The following COPS3 variants were observed in gnomAD, a reference collection of about 807,000 sequenced individuals.
The protein encoded by COPS3 is COP9 signalosome subunit 3.
A neutral mutation model predicts 58.2 loss-of-function variants in COPS3; 10 were observed. The observed-to-expected ratio is 0.17, with a 90% CI of 0.11 to 0.29. COPS3 has a LOEUF of 0.29. Ranked by LOEUF, COPS3 falls within the 10% of genes least tolerant of loss-of-function variation. The pLI, the probability that COPS3 is intolerant of heterozygous loss-of-function variation, is 1.00. For missense variants in COPS3, 333 were observed against 510.1 expected (o/e 0.65, Z 3.34); for synonymous variants, 187 against 181.7 (o/e 1.03, Z -0.24).
rs1386576687 is a variant in COPS3 at position 17,268,034 on chromosome 17, C to CT, written c.349-58dup. On this transcript the variant is annotated intron_variant, in intron 4 of 11. Coordinates refer to ENST00000268717, the MANE Select transcript of COPS3 (RefSeq NM_003653.4). ...TCTCAAAGATGGCAGCACATTGGAT[C>CT]TTATGTTGTCACTTATAAATAAAAA... is the stretch of plus-strand genomic sequence containing the variant. The CT allele has an allele frequency of 2.5e-6, 4 of 1,585,440 alleles. No homozygotes were observed. The East Asian group carries it at 9.0e-5, about 36-fold the overall frequency.
Position 17,247,578 on chromosome 17 carries a change from T to C in COPS3, c.1138-18A>G. The stretch of plus-strand genomic sequence containing the variant: ...TTCAGCATCTGCATGACAGGCACAT[T>C]AGAAGGTGGTCAGCGGCGGGTTTAG... On this transcript the variant is annotated intron_variant, in intron 10 of 11. Transcript: ENST00000268717. 1 of 1,613,936 alleles carries C rather than the reference T, an allele frequency of 6.2e-7. No homozygotes were observed. Among genetic ancestry groups the C allele is most frequent in the Non-Finnish European group, 8.5e-7 (1 of 1,179,832 alleles).
At chr17:17,262,146 C>G in intron 6 of COPS3, 40 bp from the exon 7 acceptor site, 2 of 1,569,312 alleles carry the variant, frequency 1.3e-6, no homozygotes, top group Middle Eastern at 1.7e-4. Flanking sequence ...GAGAACATAC[C>G]ACAGTAGCAA....
Position 17,262,055 on chromosome 17 carries a change from T to C in COPS3, c.673A>G (p.Lys225Glu). 2 of 1,611,890 alleles carry C rather than the reference T, an allele frequency of 1.2e-6. No homozygotes were observed. The highest frequency in any genetic ancestry group is 1.7e-6 in the Non-Finnish European group (2 of 1,179,036). Reference sequence around the variant, plus strand: ...ATCAAAGACACTAAAATATACTTTTTATATGATTCCAACATGATATGACTG... The same window carrying C: ...ATCAAAGACACTAAAATATACTTTTCATATGATTCCAACATGATATGACTG... ...AVSHIMLESY[K>E]KYILVSLILL... is the part of the protein sequence containing the mutation. Residue 225 changes from lysine (K) to glutamate (E), a missense_variant, in exon 7 of 12, where the codon AAA (lysine) becomes GAA (glutamate). Transcript: ENST00000268717.
Position 17,249,048 on chromosome 17 carries a change from A to C in COPS3, c.1024-9T>G. ...ATCTCACCATCTTCTATCTGCAGAAAGAAAAAAAAAAAAATCAGGAAAGCA... is the reference window on the plus strand; with the variant it reads ...ATCTCACCATCTTCTATCTGCAGAACGAAAAAAAAAAAAATCAGGAAAGCA... On this transcript the variant is annotated splice_polypyrimidine_tract_variant and intron_variant, in intron 9 of 11. Transcript: ENST00000268717. 6.6e-7 allele frequency: 1 copy of C among 1,512,752 alleles called. No homozygotes were observed. Among genetic ancestry groups the C allele is most frequent in the Non-Finnish European group, 9.0e-7 (1 of 1,106,382 alleles). 93.7% of individuals were successfully genotyped at this position (1,512,752 alleles called of 1,614,324 possible). A position where few individuals can be genotyped will look rare whatever the true frequency, so the allele number is the denominator to read the frequency against.
At chr17:17,261,739 A>G (rs1477636394) in intron 7 of COPS3, 1 of 487,354 alleles carries the variant, frequency 2.1e-6, no homozygotes, top group South Asian at 2.1e-5. Flanking sequence ...TTAAACATCT[A>G]TAGCTGTAAG....
chr17:17,276,897 ACT>A (rs2048472282), intron 1 of COPS3, among the ~76,000 whole-genome samples: 1 of 152,086 alleles, frequency 6.6e-6, no homozygotes, highest in African/African-American at 2.4e-5. Flanking sequence ...CCATATTAGT[ACT>A]GTCTGTTCTA....
intron 2 of COPS3, among the ~76,000 whole-genome samples, chr17:17,271,873 C>T (rs1451895789): frequency 1.1e-5 from 1 of 92,708 alleles, no homozygotes; most frequent in Non-Finnish European, 2.1e-5. Context: ...CATACACACA[C>T]ATATGTTTAA....
At chr17:17,256,143 C>T (rs957283612) in intron 8 of COPS3, among the ~76,000 whole-genome samples, 7 of 151,336 alleles carry the variant, frequency 4.6e-5, no homozygotes, top group African/African-American at 1.2e-4. Context: ...CACGCCACTG[C>T]ACTCCAGCCT....
chr17:17,256,425 T>A (rs2047977444), intron 8 of COPS3, among the ~76,000 whole-genome samples: 2 of 152,052 alleles, frequency 1.3e-5, no homozygotes, highest in Non-Finnish European at 2.9e-5. Flanking sequence ...GGGAGTTAAA[T>A]AAAAGAGGCT....
chr17:17,256,288 G>A (rs1199599740), intron 8 of COPS3, among the ~76,000 whole-genome samples: 1 of 151,932 alleles, frequency 6.6e-6, no homozygotes, highest in African/African-American at 2.4e-5. Flanking sequence ...GGAATCCAAG[G>A]TATGCACATC....
chr17:17,248,324 G>GT (rs1049417048), intron 10 of COPS3, among the ~76,000 whole-genome samples: 9 of 151,984 alleles, frequency 5.9e-5, no homozygotes, highest in African/African-American at 1.5e-4. Flanking sequence ...AGAGAGTTTT[G>GT]TTTTTTTGAG....
At chr17:17,268,510 GC>G (rs2048276092) in intron 4 of COPS3, among the ~76,000 whole-genome samples, 1 of 152,064 alleles carries the variant, frequency 6.6e-6, no homozygotes, top group South Asian at 2.1e-4. Flanking sequence ...TCAGTTTTTG[GC>G]AGACTAAAAT....
At position 17,281,216 on chromosome 17, in the gene COPS3, G is replaced by A. The variant is rs760726185; in HGVS notation, c.-30C>T. ...TCCCCCGGGCGGCCCGAGCGGCGAA[G>A]GCAGCACGCGCGGGAAAAGGCTGCC... On this transcript the variant is annotated 5_prime_UTR_variant, in exon 1 of 12. Coordinates refer to ENST00000268717, the MANE Select transcript of COPS3 (RefSeq NM_003653.4). 9 of 1,600,266 alleles carry A rather than the reference G, an allele frequency of 5.6e-6. No homozygotes were observed. Among genetic ancestry groups the A allele is most frequent in the South Asian group, 2.2e-5 (2 of 89,056 alleles).
intron 4 of COPS3, among the ~76,000 whole-genome samples, chr17:17,269,557 CT>C (rs1240032488): frequency 6.6e-6 from 1 of 152,018 alleles, no homozygotes; most frequent in Non-Finnish European, 1.5e-5. Flanking sequence ...GATCACACCA[CT>C]GCACTCCAGC....
intron 5 of COPS3, among the ~76,000 whole-genome samples, chr17:17,266,513 A>G (rs569820648): frequency 6.6e-6 from 1 of 152,196 alleles, no homozygotes; most frequent in African/African-American, 2.4e-5. Flanking sequence ...AGATAAATAA[A>G]TGAGGCCAGG....
chr17:17,265,858 G>C lies in COPS3; in HGVS notation c.442-877C>G, dbSNP rs569857892. The stretch of plus-strand genomic sequence containing the variant: ...TGTGTCCTCTTTCTTTACTGAACTA[G>C]TGGAATAGAAAGAGACCAGCATGGT... On this transcript the variant is annotated intron_variant, in intron 5 of 11. Coordinates refer to ENST00000268717, the MANE Select transcript of COPS3 (RefSeq NM_003653.4). Among the ~76,000 whole-genome samples, 22 of 152,296 alleles carry C rather than the reference G, an allele frequency of 1.4e-4. 1 individual carries two copies. The South Asian group carries it at 3.7e-3, about 26-fold the overall frequency.
At chr17:17,271,611 GGAGTTC>G (rs1433996826) in intron 2 of COPS3, among the ~76,000 whole-genome samples, 5 of 151,172 alleles carry the variant, frequency 3.3e-5, no homozygotes, top group Non-Finnish European at 7.4e-5. Context: ...CCTAAGGTCG[GGAGTTC>G]GAGACCAGCC....
intron 11 of COPS3, 57 bp from the exon 12 acceptor site, chr17:17,247,208 G>T: frequency 6.5e-7 from 1 of 1,539,758 alleles, no homozygotes; most frequent in Non-Finnish European, 9.0e-7. Flanking sequence ...GGGTTCCCCG[G>T]CAGCCCAATA....
Position 17,280,703 on chromosome 17 carries a change from C to T in COPS3, c.55+429G>A, listed in dbSNP as rs763775266. 391 of 1,265,854 alleles carry T rather than the reference C, an allele frequency of 3.1e-4. 7 individuals carry two copies. In the Admixed American group the frequency reaches 0.011, roughly 36 times the overall value. 78.4% of individuals were successfully genotyped at this position (1,265,854 alleles called of 1,614,324 possible). A position where few individuals can be genotyped will look rare whatever the true frequency, so the allele number is the denominator to read the frequency against. The stretch of plus-strand genomic sequence containing the variant: ...CAAGACACCCAGAACGGACTCGCCT[C>T]CCGCCCGCTCCCGGCGGCCTAGTCA... On this transcript the variant is annotated intron_variant, in intron 1 of 11. Coordinates refer to ENST00000268717, the MANE Select transcript of COPS3 (RefSeq NM_003653.4).
Sources: gnomAD v4.1 joint callset for allele counts (sites outside exome capture counted in the v4.1 genomes callset) on GRCh38, gnomAD v4.1.1 for gene constraint, MANE v1.5 for transcripts, NCBI Gene and HGNC (gene_info 2026-07-23, HGNC 2026-07-21) for gene names.